CD74: variants seen among roughly 807,000 people sequenced by gnomAD.
The protein encoded by CD74 is CD74 molecule, also known as HLA class II histocompatibility antigen gamma chain.
In CD74, 20 loss-of-function variants were observed where a neutral mutation model predicts 37.1. That is an observed-to-expected ratio of 0.54 (90% CI 0.38 to 0.78). The LOEUF is 0.78. CD74 is among the 30% of genes least tolerant of loss of function. The probability of loss-of-function intolerance (pLI) is 0.00; values close to 1 mark genes in which losing one functional copy is unlikely to be tolerated. For missense variants in CD74, 338 were observed against 389.5 expected, an observed-to-expected ratio of 0.87 and a Z score of 1.11; for synonymous variants, 150 against 152.0, an observed-to-expected ratio of 0.99 and a Z score of 0.10.
At chr5:150,404,307 C>G (rs1181898504) in intron 6 of CD74, among the ~76,000 whole-genome samples, 1 of 152,226 alleles carries the variant, frequency 6.6e-6, no homozygotes, top group Non-Finnish European at 1.5e-5. Context: ...GGCGCCCTCA[C>G]TGGATTGCGG....
At chr5:150,408,299 T>A (rs1770114857) in intron 1 of CD74, among the ~76,000 whole-genome samples, 1 of 152,014 alleles carries the variant, frequency 6.6e-6, no homozygotes, top group South Asian at 2.1e-4. Context: ...TGGGGGAGGC[T>A]TGGACAATGT....
rs527857815 is a variant in CD74, at chr5:150,407,050, C to T, written c.299-90G>A. 23 of 1,541,468 alleles carry T rather than the reference C, an allele frequency of 1.5e-5. No homozygotes were observed. Among genetic ancestry groups the T allele is most frequent in the African/African-American group, 8.2e-5 (6 of 73,092 alleles). On this transcript the variant is annotated intron_variant, in intron 2 of 8. Transcript: ENST00000009530. This position sits in a 1 kb window ranked among gnomAD's most constrained non-coding sequence, Gnocchi z 4.4. ...ATGAGGAAGGGCTGGAATTCCAAAC[C>T]GGAGGGAGAGGACAGTGGGCCCAGC...
chr5:150,406,378 G>T, intron 3 of CD74, 57 bp from the exon 4 acceptor site: 1 of 1,405,348 alleles, frequency 7.1e-7, no homozygotes, highest in South Asian at 1.2e-5. Flanking sequence ...AGGGGGTATG[G>T]AGCAGGAGCC....
intron 6 of CD74, among the ~76,000 whole-genome samples, chr5:150,404,112 C>T (rs1769803234): frequency 6.6e-6 from 1 of 152,164 alleles, no homozygotes; most frequent in African/African-American, 2.4e-5. Context: ...CAGGGTGGCC[C>T]TTTGACCTTC....
At chr5:150,405,015 C>A in intron 5 of CD74, 70 bp downstream of exon 5, 2 of 1,421,894 alleles carry the variant, frequency 1.4e-6, no homozygotes, top group Non-Finnish European at 2.0e-6. Flanking sequence ...CCACCCTCAC[C>A]CCACCTCTCC....
At chr5:150,404,408 A>G (rs557561070) in intron 6 of CD74, 6 of 436,118 alleles carry the variant, frequency 1.4e-5, no homozygotes, top group South Asian at 2.9e-5. Context: ...ACCATCCTCT[A>G]TGAGAGAGGT....
At chr5:150,406,370 G>A (rs760691453) in intron 3 of CD74, 49 bp from the exon 4 acceptor site, 202 of 1,475,066 alleles carry the variant, frequency 1.4e-4, no homozygotes, top group Non-Finnish European at 1.9e-4. Flanking sequence ...CCTGGAGCAG[G>A]GGGTATGGAG....
Position 150,404,558 on chromosome 5 carries a change from G to C in CD74, c.625+122C>G, listed in dbSNP as rs1170563973. 3.2e-5 allele frequency: 20 copies of C among 625,498 alleles called. No homozygotes were observed. The East Asian group carries it at 5.5e-4, about 17-fold the overall frequency. The allele number at this position is 625,498 out of a possible 1,614,324, so 38.7% of individuals were successfully genotyped here. A position where few individuals can be genotyped will look rare whatever the true frequency, so the allele number is the denominator to read the frequency against. On this transcript the variant is annotated intron_variant, in intron 6 of 8. Transcript: ENST00000009530. ...GAGAAGTGAGAAAGAAGTGAGAGCT[G>C]AGAGGATGGGAGATTCCGCGGTGCT...
At position 150,405,168 on chromosome 5, in the gene CD74, G is replaced by A. The variant is rs774079197; in HGVS notation, c.454C>T (p.Leu152=). Residue 152 remains leucine (L), a synonymous_variant, in exon 5 of 9, where the codon CTG becomes TTG. Transcript: ENST00000009530. The part of the protein sequence containing the change: ...VMHLLQNADP[L]KVYPPLKGSF... ...CCCTTCAGTGGCGGGTACACCTTCA[G>A]GGGGTCAGCATTCTACAGGGTAGCA... 1 of 1,605,122 alleles carries A rather than the reference G, an allele frequency of 6.2e-7. No homozygotes were observed. The highest frequency in any genetic ancestry group is 1.3e-5 in the African/African-American group (1 of 74,504).
intron 4 of CD74, 148 bp from the exon 5 acceptor site, chr5:150,405,328 G>A: frequency 7.3e-7 from 1 of 1,362,374 alleles, no homozygotes; most frequent in East Asian, 2.9e-5. Context: ...AGCCATGATG[G>A]GAGGGGAGGG....
chr5:150,408,399 G>A (rs1000084815), intron 1 of CD74, among the ~76,000 whole-genome samples: 3 of 152,192 alleles, frequency 2.0e-5, no homozygotes, highest in African/African-American at 7.2e-5. Flanking sequence ...GCCAATCTCT[G>A]TGCCTCTGTT....
In CD74 at chr5:150,411,974, AT is replaced by A. The variant is rs891928818; in HGVS notation, c.125+650del. Among the ~76,000 whole-genome samples, 157 of 151,912 alleles carry A rather than the reference AT, an allele frequency of 1.0e-3. 1 individual carries two copies. Among genetic ancestry groups the A allele is most frequent in the African/African-American group, 3.7e-3 (152 of 41,442 alleles). On this transcript the variant is annotated intron_variant, in intron 1 of 8. Transcript: ENST00000009530. ...GTGCAAGGTCTTTATTTATTTATTT[AT>A]TTTTTTTGAGACAGAGTGTCACTGT...
Position 150,404,674 on chromosome 5 carries a change from C to G in CD74, c.625+6G>C, listed in dbSNP as rs1348279376. On this transcript the variant is annotated splice_donor_region_variant and intron_variant, in intron 6 of 8. Transcript: ENST00000009530. ...CCTGGCACGCTAAAGCTCCCACTCC[C>G]TGTACCTTTCGGTGGAGCGTCAGTG... is the stretch of plus-strand genomic sequence containing the variant. 2 of 1,561,824 alleles carry G rather than the reference C, an allele frequency of 1.3e-6. No individual in the cohort carries two copies. The highest frequency in any genetic ancestry group is 1.4e-5 in the African/African-American group (1 of 73,738).
chr5:150,402,196 G>A lies in CD74; in HGVS notation c.*44C>T, dbSNP rs1268953375. 6.3e-7 allele frequency: 1 copy of A among 1,591,662 alleles called. No homozygotes were observed. The highest frequency in any genetic ancestry group is 8.6e-7 in the Non-Finnish European group (1 of 1,168,882). On this transcript the variant is annotated 3_prime_UTR_variant, in exon 9 of 9. Transcript: ENST00000009530. The surrounding 1 kb of genome is among the most constrained non-coding windows in gnomAD (Gnocchi z 4.2). The stretch of plus-strand genomic sequence containing the variant: ...GGCTGAAGGGAGCAAGAAAGCTGTA[G>A]CTGTGTGGGGCTGGCAGGATGTTGA...
At position 150,406,864 on chromosome 5, in the gene CD74, C is replaced by G. The variant is rs751977067; in HGVS notation, c.378+17G>C. 6.8e-7 allele frequency: 1 copy of G among 1,472,024 alleles called. No individual in the cohort carries two copies. Among genetic ancestry groups the G allele is most frequent in the Non-Finnish European group, 9.0e-7 (1 of 1,109,918 alleles). The allele number at this position is 1,472,024 out of a possible 1,614,324, so 91.2% of individuals were successfully genotyped here. On this transcript the variant is annotated intron_variant, in intron 3 of 8. Coordinates refer to ENST00000009530, the MANE Select transcript of CD74 (RefSeq NM_001025159.3). ...GGGATAACCTTGCCCCTCCCACCAC[C>G]CTGGGGCTGTCCTTACCCCCTGGGG...
intron 1 of CD74, among the ~76,000 whole-genome samples, chr5:150,409,685 T>C: frequency 7.4e-6 from 1 of 134,826 alleles, no homozygotes; most frequent in African/African-American, 2.9e-5. Flanking sequence ...AGAGTGAGAC[T>C]CTGTCTCAAA....
intron 4 of CD74, 162 bp downstream of exon 4, chr5:150,406,097 G>C (rs1769944929): frequency 1.6e-6 from 1 of 629,552 alleles, no homozygotes. Context: ...AAAATGCAGA[G>C]GCCAGACTAC....
At chr5:150,412,550 G>T in intron 1 of CD74, 75 bp downstream of exon 1, 1 of 1,109,408 alleles carries the variant, frequency 9.0e-7, no homozygotes, top group Middle Eastern at 2.3e-4. Flanking sequence ...ACTCCTGGCC[G>T]GTGCTTCTTC....
rs886713594 is a variant in CD74, at chr5:150,402,404, C to A, written c.881-154G>T. On this transcript the variant is annotated intron_variant, in intron 8 of 8. Transcript: ENST00000009530. This position sits in a 1 kb window ranked among gnomAD's most constrained non-coding sequence, Gnocchi z 4.2. The stretch of plus-strand genomic sequence containing the variant: ...ATGACCATCATGGATTTGTGTAACT[C>A]CCCACAGCCCCCCAACCCTGTTCCT... 1.1e-6 allele frequency: 1 copy of A among 877,498 alleles called. No homozygotes were observed. 54.4% of individuals were successfully genotyped at this position (877,498 alleles called of 1,614,324 possible). A position where few individuals can be genotyped will look rare whatever the true frequency, so the allele number is the denominator to read the frequency against.
Sources: gnomAD v4.1 joint callset for allele counts (sites outside exome capture counted in the v4.1 genomes callset) on GRCh38, gnomAD v4.1.1 for gene constraint, Gnocchi (gnomAD v3.1) non-coding constraint, MANE v1.5 for transcripts, NCBI Gene and HGNC (gene_info 2026-07-23, HGNC 2026-07-21) for gene names.